HROB: variants seen among roughly 807,000 people sequenced by gnomAD.
HROB encodes the protein homologous recombination factor with OB-fold, also known as homologous recombination OB-fold protein.
In HROB, 44 loss-of-function variants were observed where a neutral mutation model predicts 61.0. The ratio of observed to expected loss-of-function variants is 0.72; its 90% CI spans 0.57 to 0.93. The LOEUF is 0.93. HROB is among the 40% of genes least tolerant of loss of function. HROB has a pLI of 0.00. For missense variants in HROB, 716 were observed against 796.2 expected, an observed-to-expected ratio of 0.90 and a Z score of 1.21; for synonymous variants, 301 against 310.4, an observed-to-expected ratio of 0.97 and a Z score of 0.32.
chr17:44,152,042 T>C (rs1252321160), intron 4 of HROB, among the ~76,000 whole-genome samples: 2 of 152,088 alleles, frequency 1.3e-5, no homozygotes, highest in Non-Finnish European at 2.9e-5. Flanking sequence ...AGACGGGGTT[T>C]CACCATGTTA....
intron 2 of HROB, among the ~76,000 whole-genome samples, chr17:44,146,423 G>C (rs2053612993): frequency 6.6e-6 from 1 of 152,176 alleles, no homozygotes. Flanking sequence ...TTGTCTTTCA[G>C]CTTTGGAGAT....
At chr17:44,161,726 T>A (rs142896319) in intron 9 of HROB, 145 bp from the exon 10 acceptor site, 44 of 786,766 alleles carry the variant, frequency 5.6e-5, no homozygotes, top group Non-Finnish European at 9.0e-5. Context: ...TCAGGCCCAT[T>A]GGCATGGGTA....
chr17:44,155,556 C>A, intron 8 of HROB, 145 bp downstream of exon 8: 3 of 1,272,820 alleles, frequency 2.4e-6, no homozygotes, highest in Non-Finnish European at 3.2e-6. Context: ...GGGGACAGGA[C>A]CATCTCCTAT....
At chr17:44,154,403 G>A (rs2144033457) in intron 5 of HROB, 153 bp from the exon 6 acceptor site, 1 of 661,226 alleles carries the variant, frequency 1.5e-6, no homozygotes, top group East Asian at 2.7e-5. Context: ...CTGTCAGAGA[G>A]AGATGGGGTA....
chr17:44,154,421 G>C, intron 5 of HROB, 135 bp from the exon 6 acceptor site: 1 of 758,816 alleles, frequency 1.3e-6, no homozygotes, highest in Non-Finnish European at 2.3e-6. Context: ...GTACCTCCTT[G>C]TCCTCCACAA....
At chr17:44,151,317 C>T (rs2053797271) in intron 4 of HROB, among the ~76,000 whole-genome samples, 1 of 152,158 alleles carries the variant, frequency 6.6e-6, no homozygotes, top group African/African-American at 2.4e-5. Flanking sequence ...TCCAGCTTCC[C>T]CTGGGGGAGG....
At chr17:44,157,140 A>T (rs1347013412) in intron 8 of HROB, among the ~76,000 whole-genome samples, 1 of 152,146 alleles carries the variant, frequency 6.6e-6, no homozygotes, top group Non-Finnish European at 1.5e-5. Flanking sequence ...TTAGCTATAT[A>T]TTCCTTTGGG....
rs1284120826 is a variant in HROB at position 44,148,566 on chromosome 17, A to G, written c.763A>G (p.Thr255Ala). Residue 255 changes from threonine (T) to alanine (A), a missense_variant, in exon 3 of 10, where the codon ACT (threonine) becomes GCT (alanine). Coordinates refer to ENST00000585683, the MANE Select transcript of HROB (RefSeq NM_001171251.3). ...TGCTGTGGGTCACCTTCCTGTTCCA[A>G]CTGCCTTAACAGTTCCCACTCAGCA... is the stretch of plus-strand genomic sequence containing the variant. ...PGAVGHLPVP[T>A]ALTVPTQQLH... The G allele has an allele frequency of 2.5e-6, 4 of 1,613,852 alleles. No individual in the cohort carries two copies. The highest frequency in any genetic ancestry group is 4.5e-5 in the East Asian group (2 of 44,860).
At chr17:44,154,462 C>G (rs77211312) in intron 5 of HROB, 94 bp from the exon 6 acceptor site, 4 of 1,134,328 alleles carry the variant, frequency 3.5e-6, no homozygotes, top group Non-Finnish European at 4.0e-6. Context: ...ATACTCTGAC[C>G]CCTCCTAACC....
rs533644938 is a variant in HROB at position 44,148,272 on chromosome 17, G to A, written c.469G>A (p.Glu157Lys). 38 of 1,614,180 alleles carry A rather than the reference G, an allele frequency of 2.4e-5. No individual in the cohort carries two copies. The highest frequency in any genetic ancestry group is 2.8e-5 in the Non-Finnish European group (33 of 1,180,036). Residue 157 changes from glutamate (E) to lysine (K), a missense_variant, in exon 3 of 10, where the codon GAA becomes AAA. Transcript: ENST00000585683. The stretch of plus-strand genomic sequence containing the variant: ...TGGCTTTGAGGGGCCTGAACAAGAC[G>A]AATTTGATAAAGTCCTGGCAAGCAT... ...VGGFEGPEQD[E>K]FDKVLASMEL...
At chr17:44,152,499 A>C in intron 4 of HROB, 138 bp from the exon 5 acceptor site, 4 of 834,850 alleles carry the variant, frequency 4.8e-6, no homozygotes, top group Non-Finnish European at 7.1e-6. Context: ...AAATGAGAGG[A>C]GAGACTGTGG....
chr17:44,157,031 C>G (rs1410335639), intron 8 of HROB, among the ~76,000 whole-genome samples: 1 of 152,156 alleles, frequency 6.6e-6, no homozygotes, highest in African/African-American at 2.4e-5. Context: ...CTCCCGACCT[C>G]AAGTGATCCT....
chr17:44,157,449 T>C (rs2054006176), intron 8 of HROB, among the ~76,000 whole-genome samples: 1 of 144,636 alleles, frequency 6.9e-6, no homozygotes, highest in South Asian at 2.2e-4. Flanking sequence ...GGTCTCACTC[T>C]GTCCCCCAGG....
At chr17:44,149,482 C>G (rs771418290) in intron 3 of HROB, among the ~76,000 whole-genome samples, 4 of 152,218 alleles carry the variant, frequency 2.6e-5, no homozygotes, top group Admixed American at 2.6e-4. Context: ...CTCCTGACCT[C>G]AAGTGATCTG....
Position 44,148,141 on chromosome 17 carries a change from A to G in HROB, c.338A>G (p.Asn113Ser). The G allele has an allele frequency of 6.2e-7, 1 of 1,614,202 alleles. No individual in the cohort carries two copies. Among genetic ancestry groups the G allele is most frequent in the East Asian group, 2.2e-5 (1 of 44,890 alleles). The change falls in exon 3 of 10, where the codon AAT becomes AGT. Residue 113 changes from asparagine (N) to serine (S), a missense_variant. Transcript: ENST00000585683. ...TCTACTTCCAGCAGCTGGATTGGCAATCAGAGAAGAGTGACAGTGACAGAA... is the reference window on the plus strand; with the variant it reads ...TCTACTTCCAGCAGCTGGATTGGCAGTCAGAGAAGAGTGACAGTGACAGAA... ...PVSTSSSWIG[N>S]QRRVTVTEVL... is the part of the protein sequence containing the mutation.
chr17:44,143,981 T>TC, intron 1 of HROB, among the ~76,000 whole-genome samples: 1 of 151,980 alleles, frequency 6.6e-6, no homozygotes, highest in South Asian at 2.1e-4. Context: ...AATCTTTCTT[T>TC]CCTTTTTTTT....
intron 9 of HROB, among the ~76,000 whole-genome samples, chr17:44,160,777 A>G (rs1007865738): frequency 3.3e-5 from 5 of 152,196 alleles, no homozygotes; most frequent in Admixed American, 3.3e-4. Context: ...AGGCCATTAT[A>G]TCTTGTGAAA....
intron 2 of HROB, among the ~76,000 whole-genome samples, chr17:44,147,436 C>CTTTTTTTT (rs34538292): frequency 8.7e-6 from 1 of 114,754 alleles, no homozygotes. Context: ...TCTTTTCTTT[C>CTTTTTTTT]TTTTTTTTTT....
Position 44,155,303 on chromosome 17 carries a change from T to A in HROB, c.1662T>A (p.Pro554=). 6.2e-7 allele frequency: 1 copy of A among 1,614,172 alleles called. No homozygotes were observed. Among genetic ancestry groups the A allele is most frequent in the Non-Finnish European group, 8.5e-7 (1 of 1,180,030 alleles). The change falls in exon 8 of 10, where the codon CCT becomes CCA. Residue 554 remains proline, a synonymous_variant. Transcript: ENST00000585683. ...LLLKQIGVFS[P]SLRNHYLNVT... Reference sequence around the variant, plus strand: ...GACTCCAGATTGGAGTGTTTTCTCCTTCACTTCGAAATCACTACCTCAACG... The same window carrying A: ...GACTCCAGATTGGAGTGTTTTCTCCATCACTTCGAAATCACTACCTCAACG...
Sources: gnomAD v4.1 joint callset for allele counts (sites outside exome capture counted in the v4.1 genomes callset) on GRCh38, gnomAD v4.1.1 for gene constraint, MANE v1.5 for transcripts, NCBI Gene and HGNC (gene_info 2026-07-23, HGNC 2026-07-21) for gene names.